Variants in YME1L1 observed in about 807,000 individuals in gnomAD.
YME1L1 encodes the protein YME1 like 1 ATPase, also known as ATP-dependent zinc metalloprotease YME1L1.
YME1L1 carries 39 observed loss-of-function variants against 90.4 expected under a neutral mutation model. The observed-to-expected ratio is 0.43, with a 90% CI of 0.33 to 0.56. The LOEUF is 0.56. YME1L1 is among the 20% of genes least tolerant of loss of function. YME1L1 has a pLI of 0.03. For synonymous variants in YME1L1, 284 were observed against 287.3 expected, an observed-to-expected ratio of 0.99 and a Z score of 0.12; for missense variants, 617 against 868.4, an observed-to-expected ratio of 0.71 and a Z score of 3.64.
chr10:27,131,032 T>C (rs1461828592), intron 8 of YME1L1, among the ~76,000 whole-genome samples: 3 of 152,266 alleles, frequency 2.0e-5, no homozygotes, highest in Admixed American at 6.5e-5. Flanking sequence ...TGAGAGCCTT[T>C]GCTCAAACTG....
At chr10:27,141,601 GACACAC>G (rs60043957) in intron 4 of YME1L1, among the ~76,000 whole-genome samples, 62,815 of 141,288 alleles carry the variant, frequency 0.44, 15,434 homozygotes, top group Non-Finnish European at 0.57. Flanking sequence ...GATGTCCCTC[GACACAC>G]ACACACACAC....
chr10:27,142,353 T>C, intron 4 of YME1L1, 34 bp downstream of exon 4: 1 of 1,238,684 alleles, frequency 8.1e-7, no homozygotes, highest in Non-Finnish European at 1.1e-6. Context: ...AATAAATATT[T>C]TTTTTTCCAC....
Position 27,145,502 on chromosome 10 carries a change from C to CA in YME1L1, c.256dup (p.Cys86LeufsTer2). ...ATGGGAAGAAATGTTTTTGCCTTTA[C>CA]AAAATCCAGGAAGTAGATTTTCTAC... On this transcript the variant is annotated frameshift_variant, in exon 3 of 19. Transcript: ENST00000376016. LOFTEE classifies it high-confidence loss of function. 1 of 1,613,530 alleles carries CA rather than the reference C, an allele frequency of 6.2e-7. No individual in the cohort carries two copies. The highest frequency in any genetic ancestry group is 8.5e-7 in the Non-Finnish European group (1 of 1,179,654).
In YME1L1 at chr10:27,111,770, A is replaced by G. The variant is rs1017591807; in HGVS notation, c.*207T>C. ...TGATAGTTCTTTATTTTTTCAAAAT[A>G]TATTTGCCATGGGATGCTAATTTGC... On this transcript the variant is annotated 3_prime_UTR_variant, in exon 19 of 19. Transcript: ENST00000376016. 1.2e-5 allele frequency: 8 copies of G among 671,518 alleles called. No homozygotes were observed. The African/African-American group carries it at 1.3e-4, about 11-fold the overall frequency. 41.6% of individuals were successfully genotyped at this position (671,518 alleles called of 1,614,324 possible). A position where few individuals can be genotyped will look rare whatever the true frequency, so the allele number is the denominator to read the frequency against.
chr10:27,137,693 T>C lies in YME1L1; in HGVS notation c.431-1308A>G, dbSNP rs79877596. Reference sequence around the variant, plus strand: ...TACTTTGCATTTCCCAGATTACAAGTGTGGGAAAATTTTGAAAAGCTTCCT... The same window carrying C: ...TACTTTGCATTTCCCAGATTACAAGCGTGGGAAAATTTTGAAAAGCTTCCT... On this transcript the variant is annotated intron_variant, in intron 4 of 18. Transcript: ENST00000376016. Among the ~76,000 whole-genome samples the C allele has an allele frequency of 2.1e-3, 319 of 152,290 alleles. 3 individuals are homozygous for C. The highest frequency in any genetic ancestry group is 7.5e-3 in the African/African-American group (310 of 41,584).
chr10:27,147,504 T>G, intron 2 of YME1L1: 1 of 1,612,386 alleles, frequency 6.2e-7, no homozygotes, highest in Non-Finnish European at 8.5e-7. Context: ...GTACAGGGAT[T>G]GAGAGGGAGA....
At chr10:27,119,208 A>G (rs943146955) in intron 14 of YME1L1, 86 bp downstream of exon 14, 1 of 1,271,660 alleles carries the variant, frequency 7.9e-7, no homozygotes, top group African/African-American at 1.5e-5. Flanking sequence ...CCATGGCTTT[A>G]GCTGTTTGAA....
chr10:27,123,737 T>C, intron 9 of YME1L1, 38 bp from the exon 10 acceptor site: 2 of 1,561,230 alleles, frequency 1.3e-6, no homozygotes, highest in Non-Finnish European at 1.7e-6. Flanking sequence ...TCAAAGTATT[T>C]TTAAAAAATC....
At position 27,119,426 on chromosome 10, in the gene YME1L1, G is replaced by C; in HGVS notation, c.1435C>G (p.Arg479Gly). 6.2e-7 allele frequency: 1 copy of C among 1,610,746 alleles called. No individual in the cohort carries two copies. The highest frequency in any genetic ancestry group is 8.5e-7 in the Non-Finnish European group (1 of 1,178,910). Residue 479 changes from arginine (R) to glycine (G), a missense_variant, in exon 14 of 19, where the codon CGA becomes GGA. By Grantham distance (125) the Arg-to-Gly change is moderately radical. This residue lies in a region of YME1L1 where 212 missense variants were observed against 330.0 expected (regional missense o/e 0.64). Coordinates refer to ENST00000376016, the MANE Select transcript of YME1L1 (RefSeq NM_014263.4). ...GCTCCGGAAAAGCCAACAGTACCTC[G>C]AGCTATAATTTCTGGATCAACGGCT... ...DQSVDPEIIA[R>G]GTVGFSGAEL...
At chr10:27,117,138 T>C (rs565546468) in intron 15 of YME1L1, among the ~76,000 whole-genome samples, 115 of 152,304 alleles carry the variant, frequency 7.6e-4, no homozygotes, top group Middle Eastern at 3.4e-3. Flanking sequence ...CCCAGGTGCA[T>C]AGAAATTTTT....
At chr10:27,148,735 G>A (rs1255336347) in intron 2 of YME1L1, among the ~76,000 whole-genome samples, 171 bp downstream of exon 2, 1 of 149,202 alleles carries the variant, frequency 6.7e-6, no homozygotes, top group Non-Finnish European at 1.5e-5. Flanking sequence ...TATTTTATCG[G>A]TAAGGCTTCC....
Position 27,131,938 on chromosome 10 carries a change from C to T in YME1L1, c.779G>A (p.Arg260His), listed in dbSNP as rs774670416. The T allele has an allele frequency of 3.1e-6, 5 of 1,608,088 alleles. No individual in the cohort carries two copies. The highest frequency in any genetic ancestry group is 1.3e-5 in the African/African-American group (1 of 74,638). ...ATCAAGCCCTGTTGTTGTCCGGAAG[C>T]GGACTAAAGGGAAGAAAAGAAATGT... ...GLLKNPFLSV[R>H]FRTTTGLDSA... is the part of the protein sequence containing the mutation. Residue 260 changes from arginine to histidine, a missense_variant, in exon 8 of 19, where the codon CGC (arginine) becomes CAC (histidine). By Grantham distance (29) the Arg-to-His change is conservative. Transcript: ENST00000376016.
intron 1 of YME1L1, among the ~76,000 whole-genome samples, chr10:27,150,207 A>G (rs576358285): frequency 4.6e-5 from 7 of 152,198 alleles, no homozygotes; most frequent in Admixed American, 1.3e-4. Context: ...AAGAAAAAAA[A>G]AAATTTACTT....
In YME1L1 at chr10:27,151,064, T is replaced by C. The variant is rs547372841; in HGVS notation, c.34-2024A>G. Among the ~76,000 whole-genome samples the C allele has an allele frequency of 2.0e-5, 3 of 152,088 alleles. No individual in the cohort carries two copies. The South Asian group carries it at 6.2e-4, about 32-fold the overall frequency. ...CCTCAGCCTCCCGAGTAGCTGGGAC[T>C]ACAGGCGCAGGCCACCACACCCAGC... On this transcript the variant is annotated intron_variant, in intron 1 of 18. Transcript: ENST00000376016.
intron 1 of YME1L1, among the ~76,000 whole-genome samples, chr10:27,152,960 T>A (rs1317230245): frequency 6.6e-6 from 1 of 152,212 alleles, no homozygotes; most frequent in Non-Finnish European, 1.5e-5. Context: ...TAAAATGAAA[T>A]CAGCCATAAT....
intron 1 of YME1L1, among the ~76,000 whole-genome samples, chr10:27,150,591 C>A (rs1054137289): frequency 6.6e-6 from 1 of 152,184 alleles, no homozygotes; most frequent in Non-Finnish European, 1.5e-5. Flanking sequence ...AGGAGAGTGA[C>A]TTCTGCTAGT....
At chr10:27,139,642 A>G (rs1451113419) in intron 4 of YME1L1, among the ~76,000 whole-genome samples, 1 of 152,062 alleles carries the variant, frequency 6.6e-6, no homozygotes, top group Non-Finnish European at 1.5e-5. Flanking sequence ...AATATTTTTA[A>G]AATACTGTCT....
intron 4 of YME1L1, among the ~76,000 whole-genome samples, chr10:27,140,189 A>T (rs1173244397): frequency 2.6e-5 from 4 of 151,880 alleles, no homozygotes; most frequent in Admixed American, 1.3e-4. Flanking sequence ...TTTTTAGTGG[A>T]GAACGGGGTT....
At chr10:27,113,403 G>A (rs1289639631) in intron 18 of YME1L1, among the ~76,000 whole-genome samples, 2 of 151,894 alleles carry the variant, frequency 1.3e-5, no homozygotes, top group African/African-American at 4.8e-5. Context: ...GGGCGCAGTG[G>A]CTCATGCCTG....
Sources: allele counts gnomAD v4.1 joint callset (sites outside exome capture counted in the v4.1 genomes callset), GRCh38; gene constraint gnomAD v4.1.1; regional missense constraint gnomAD v4.1.1; transcripts MANE v1.5; gene names NCBI Gene and HGNC (gene_info 2026-07-23, HGNC 2026-07-21).